Variants in KCNC2 observed in about 807,000 individuals in gnomAD.
The protein encoded by KCNC2 is potassium voltage-gated channel subfamily C member 2, also known as voltage-gated potassium channel KCNC2.
In KCNC2, 21 loss-of-function variants were observed where a neutral mutation model predicts 44.5. That is an observed-to-expected ratio of 0.47 (90% CI 0.33 to 0.68). The LOEUF (loss-of-function observed/expected upper bound fraction) is 0.68, where lower values mean the gene tolerates loss of function less well. KCNC2 is among the 30% of genes least tolerant of loss of function. The pLI is 0.01. For synonymous variants in KCNC2, 391 were observed against 339.1 expected (o/e 1.15, Z -1.68); for missense variants, 589 against 826.2 (o/e 0.71, Z 3.52).
intron 2 of KCNC2, among the ~76,000 whole-genome samples, chr12:75,149,385 A>G (rs957762515): frequency 6.6e-6 from 1 of 151,878 alleles, no homozygotes; most frequent in African/African-American, 2.4e-5. Flanking sequence ...TCTGAAGACT[A>G]CATATTTGCC....
chr12:75,041,558 C>A lies in KCNC2; in HGVS notation c.*1547G>T. 9.0e-7 allele frequency: 1 copy of A among 1,109,806 alleles called. No individual in the cohort carries two copies. Among genetic ancestry groups the A allele is most frequent in the Admixed American group, 4.2e-5 (1 of 23,792 alleles). 68.7% of individuals were successfully genotyped at this position (1,109,806 alleles called of 1,614,324 possible). ...ATTTATATTACGGTCTTTTTCTTCC[C>A]TCACATGCTCAATACATGAGACACG... On this transcript the variant is annotated 3_prime_UTR_variant, in exon 5 of 5. Coordinates refer to ENST00000549446, the MANE Select transcript of KCNC2 (RefSeq NM_139137.4).
At chr12:75,073,072 C>A (rs1459479522) in intron 2 of KCNC2, among the ~76,000 whole-genome samples, 1 of 152,136 alleles carries the variant, frequency 6.6e-6, no homozygotes, top group Admixed American at 6.5e-5. Flanking sequence ...TCCCAGGCTT[C>A]ATAATTCTGC....
intron 2 of KCNC2, among the ~76,000 whole-genome samples, chr12:75,171,065 A>G (rs1891784396): frequency 1.3e-5 from 1 of 78,116 alleles, no homozygotes; most frequent in Non-Finnish European, 2.2e-5. Flanking sequence ...TACTCCTTCA[A>G]AGCCAGCAGG....
chr12:75,099,771 A>G (rs1886229687), intron 2 of KCNC2, among the ~76,000 whole-genome samples: 1 of 152,188 alleles, frequency 6.6e-6, no homozygotes, highest in Admixed American at 6.6e-5. Flanking sequence ...TCCAAAAAAG[A>G]AAGCCACATT....
chr12:75,078,556 G>T (rs977036866), intron 2 of KCNC2, among the ~76,000 whole-genome samples: 2 of 152,100 alleles, frequency 1.3e-5, no homozygotes, highest in African/African-American at 4.8e-5. Context: ...AAATAGTACT[G>T]TTCTAAGCTG....
intron 2 of KCNC2, among the ~76,000 whole-genome samples, chr12:75,123,065 A>G (rs918586304): frequency 1.2e-4 from 19 of 152,098 alleles, no homozygotes; most frequent in African/African-American, 4.6e-4. Context: ...TACAAATTTT[A>G]TTTAAAAATA....
At position 75,182,986 on chromosome 12, in the gene KCNC2, A is replaced by G. The variant is rs1174883712; in HGVS notation, c.687+24311T>C. On this transcript the variant is annotated intron_variant, in intron 2 of 4. Transcript: ENST00000549446. ...ATGAATGAAGCACAGTGAGCCTAAC[A>G]GCAGAAGAGGGAAGACAGATGAATA... Among the ~76,000 whole-genome samples, 5 of 152,240 alleles carry G rather than the reference A, an allele frequency of 3.3e-5. No homozygotes were observed. The East Asian group carries it at 9.6e-4, about 29-fold the overall frequency.
chr12:75,176,142 C>T (rs529935527), intron 2 of KCNC2, among the ~76,000 whole-genome samples: 1 of 152,176 alleles, frequency 6.6e-6, no homozygotes, highest in South Asian at 2.1e-4. Flanking sequence ...TGTAACTTAA[C>T]TGAAACACTG....
chr12:75,183,034 C>G (rs995367849), intron 2 of KCNC2, among the ~76,000 whole-genome samples: 16 of 152,176 alleles, frequency 1.1e-4, no homozygotes, highest in African/African-American at 3.9e-4. Flanking sequence ...GCCCTTCTGT[C>G]CCCAAACTGA....
At chr12:75,055,109 C>A (rs1434663497) in intron 2 of KCNC2, among the ~76,000 whole-genome samples, 1 of 152,022 alleles carries the variant, frequency 6.6e-6, no homozygotes, top group Non-Finnish European at 1.5e-5. Context: ...ACTGAGAAAT[C>A]TTCAAGGACT....
At chr12:75,062,761 A>G (rs1200408723) in intron 2 of KCNC2, among the ~76,000 whole-genome samples, 1 of 152,024 alleles carries the variant, frequency 6.6e-6, no homozygotes, top group Non-Finnish European at 1.5e-5. Flanking sequence ...TAGAGACAAC[A>G]GAAGGAAAGC....
chr12:75,126,425 C>T (rs1015864247), intron 2 of KCNC2, among the ~76,000 whole-genome samples: 2 of 152,106 alleles, frequency 1.3e-5, no homozygotes, highest in African/African-American at 2.4e-5. Context: ...GCTAAGAATA[C>T]AACTTGAATA....
chr12:75,075,581 T>C lies in KCNC2; in HGVS notation c.688-24264A>G, dbSNP rs1436604523. 3.3e-5 allele frequency among the ~76,000 whole-genome samples: 5 copies of C among 151,718 alleles called. No homozygotes were observed. In the East Asian group the frequency reaches 9.7e-4, roughly 29 times the overall value. On this transcript the variant is annotated intron_variant, in intron 2 of 4. Transcript: ENST00000549446. ...GAAGCCCCTTGAGAAGATAATTACA[T>C]AGTTATTCTTGAATCTGTGGGGGTT... is the stretch of plus-strand genomic sequence containing the variant.
At chr12:75,165,671 C>T (rs1049437222) in intron 2 of KCNC2, among the ~76,000 whole-genome samples, 2 of 151,368 alleles carry the variant, frequency 1.3e-5, no homozygotes, top group African/African-American at 2.4e-5. Flanking sequence ...AAATTACATA[C>T]TACAGAAAGT....
chr12:75,174,172 C>A (rs1480078015), intron 2 of KCNC2, among the ~76,000 whole-genome samples: 1 of 150,906 alleles, frequency 6.6e-6, no homozygotes, highest in Non-Finnish European at 1.5e-5. Context: ...TTTACAATCA[C>A]GGTGTATTTT....
At chr12:75,128,974 C>T (rs1888639738) in intron 2 of KCNC2, among the ~76,000 whole-genome samples, 1 of 152,206 alleles carries the variant, frequency 6.6e-6, no homozygotes, top group Admixed American at 6.5e-5. Context: ...TCTTTACTGA[C>T]TTTCACAAGC....
chr12:75,046,612 GATT>G (rs1880549747), intron 4 of KCNC2, among the ~76,000 whole-genome samples: 1 of 151,764 alleles, frequency 6.6e-6, no homozygotes, highest in Non-Finnish European at 1.5e-5. Context: ...TTGATATGAT[GATT>G]ATTATTTAAC....
chr12:75,208,007 G>C lies in KCNC2; in HGVS notation c.-19-5C>G, dbSNP rs2031850712. On this transcript the variant is annotated splice_polypyrimidine_tract_variant and splice_region_variant and intron_variant, in intron 1 of 4. Coordinates refer to ENST00000549446, the MANE Select transcript of KCNC2 (RefSeq NM_139137.4). ...ATCTCTGTGACTCAGACATGACTAG[G>C]GGGAGGCAAACACAGCGCCGAGTTA... 12 of 1,610,592 alleles carry C rather than the reference G, an allele frequency of 7.5e-6. No individual in the cohort carries two copies. The highest frequency in any genetic ancestry group is 1.0e-5 in the Non-Finnish European group (12 of 1,179,266).
At chr12:75,193,325 G>A (rs2030471177) in intron 2 of KCNC2, among the ~76,000 whole-genome samples, 1 of 152,162 alleles carries the variant, frequency 6.6e-6, no homozygotes, top group Admixed American at 6.5e-5. Flanking sequence ...TACATAGGTT[G>A]GAAGTGGAGT....
Sources: gnomAD v4.1 joint callset for allele counts (sites outside exome capture counted in the v4.1 genomes callset) on GRCh38, gnomAD v4.1.1 for gene constraint, MANE v1.5 for transcripts, NCBI Gene and HGNC (gene_info 2026-07-23, HGNC 2026-07-21) for gene names.